SERPINA11: variants seen among roughly 807,000 people sequenced by gnomAD.
SERPINA11 encodes serpin family A member 11.
Under a neutral mutation model 29.4 loss-of-function variants are expected in SERPINA11, and 28 were observed. The ratio of observed to expected loss-of-function variants is 0.95; its 90% CI spans 0.70 to 1.30. SERPINA11 has a LOEUF of 1.30. SERPINA11 is among the 50% of genes most tolerant of loss of function. The pLI is 0.00. For missense variants in SERPINA11, 530 were observed against 507.3 expected (o/e 1.04, Z -0.43); for synonymous variants, 253 against 206.6 (o/e 1.22, Z -1.92).
At chr14:94,446,746 A>C (rs891186437) in intron 2 of SERPINA11, 142 bp from the exon 3 acceptor site, 2 of 768,406 alleles carry the variant, frequency 2.6e-6, no homozygotes, top group African/African-American at 3.5e-5. Context: ...AGGAGACCAG[A>C]ATTTAGGCCT....
intron 3 of SERPINA11, 61 bp downstream of exon 3, chr14:94,446,270 A>T (rs1898435374): frequency 6.7e-7 from 1 of 1,491,388 alleles, no homozygotes; most frequent in Non-Finnish European, 9.1e-7. Flanking sequence ...GCTGGAGTTG[A>T]TCAAGACCTG....
In SERPINA11 at chr14:94,443,079, T is replaced by C. The variant is rs1321196727; in HGVS notation, c.1064A>G (p.Lys355Arg). ...AAACATCCATGTTCACCACTTTACC[T>C]TGGAGATGGTTTTGTTGAGCTGCCC... ...VTGQLNKTIS[K>R]VSHKAMVDMS... Residue 355 changes from lysine (K) to arginine (R), a missense_variant and splice_region_variant, in exon 4 of 5, where the codon AAG (lysine) becomes AGG (arginine). By Grantham distance (26) the Lys-to-Arg change is conservative (BLOSUM62 2). Coordinates refer to ENST00000334708, the MANE Select transcript of SERPINA11 (RefSeq NM_001080451.2). 19 of 1,610,492 alleles carry C rather than the reference T, an allele frequency of 1.2e-5. No homozygotes were observed. Among genetic ancestry groups the C allele is most frequent in the Non-Finnish European group, 1.5e-5 (18 of 1,178,674 alleles).
intron 2 of SERPINA11, among the ~76,000 whole-genome samples, chr14:94,447,419 C>T (rs901837123): frequency 2.0e-5 from 3 of 152,206 alleles, no homozygotes; most frequent in Non-Finnish European, 4.4e-5. Flanking sequence ...CAACTTTATT[C>T]AAGGCCACCG....
chr14:94,449,433 C>CTTTCTT (rs1898529322), intron 1 of SERPINA11, among the ~76,000 whole-genome samples: 4 of 101,102 alleles, frequency 4.0e-5, no homozygotes, highest in Non-Finnish European at 7.3e-5. Flanking sequence ...TTCTTTCTTT[C>CTTTCTT]TTTCTTTCTT....
intron 1 of SERPINA11, among the ~76,000 whole-genome samples, chr14:94,450,130 TG>T (rs1221246045): frequency 6.6e-6 from 1 of 152,186 alleles, no homozygotes; most frequent in Non-Finnish European, 1.5e-5. Context: ...CTCTGATATC[TG>T]GGATGCCTCT....
intron 2 of SERPINA11, 129 bp downstream of exon 2, chr14:94,448,003 G>T (rs11620887): frequency 0.31 from 269,509 of 879,756 alleles, 42,642 homozygotes; most frequent in East Asian, 0.43. Context: ...GCTACGCAAG[G>T]GTGGGAAAGC....
intron 1 of SERPINA11, among the ~76,000 whole-genome samples, chr14:94,451,217 G>A (rs1049383814): frequency 6.6e-6 from 1 of 152,236 alleles, no homozygotes; most frequent in Non-Finnish European, 1.5e-5. Flanking sequence ...GGTGCCCTAA[G>A]TAGCCTGCCA....
intron 1 of SERPINA11, among the ~76,000 whole-genome samples, chr14:94,449,405 T>TC (rs766382606): frequency 1.8e-5 from 1 of 55,272 alleles, no homozygotes; most frequent in African/African-American, 5.3e-5. Flanking sequence ...TCTTTCTTTC[T>TC]ATTCTTTCTT....
Position 94,443,094 on chromosome 14 carries a change from T to A in SERPINA11, c.1049A>T (p.Asn350Ile). Residue 350 changes from asparagine (N) to isoleucine (I), a missense_variant, in exon 4 of 5, where the codon AAC (asparagine) becomes ATC (isoleucine). Coordinates refer to ENST00000334708, the MANE Select transcript of SERPINA11 (RefSeq NM_001080451.2). ...ADFSGVTGQL[N>I]KTISKVSHKA... ...CCACTTTACCTTGGAGATGGTTTTG[T>A]TGAGCTGCCCAGTGACTCCTGAGAA... The A allele has an allele frequency of 6.2e-7, 1 of 1,612,300 alleles. No individual in the cohort carries two copies. Among genetic ancestry groups the A allele is most frequent in the Non-Finnish European group, 8.5e-7 (1 of 1,179,368 alleles).
chr14:94,448,084 A>G, intron 2 of SERPINA11, 48 bp downstream of exon 2: 2 of 1,563,356 alleles, frequency 1.3e-6, no homozygotes, highest in Non-Finnish European at 8.7e-7. Flanking sequence ...CTGTAAGAGC[A>G]TTTACTTGCA....
At chr14:94,450,534 C>T (rs1478538301) in intron 1 of SERPINA11, among the ~76,000 whole-genome samples, 1 of 152,204 alleles carries the variant, frequency 6.6e-6, no homozygotes, top group African/African-American at 2.4e-5. Flanking sequence ...TTCTCCTTCA[C>T]AGCCTCAGAA....
Position 94,449,400 on chromosome 14 carries a change from CTTT to C in SERPINA11, c.-3-626_-3-624del, listed in dbSNP as rs1566784543. 7.3e-4 allele frequency among the ~76,000 whole-genome samples: 19 copies of C among 25,922 alleles called. 1 individual carries two copies. The highest frequency in any genetic ancestry group is 2.4e-3 in the African/African-American group (19 of 7,946). 17.0% of individuals were successfully genotyped at this position (25,922 alleles called of 152,430 possible). On this transcript the variant is annotated intron_variant, in intron 1 of 4. Transcript: ENST00000334708. ...GTCTAGCCTCCCTCCCTCTTTCTTT[CTTT>C]CTATTCTTTCTTTCTTTCTTTCTTT... is the stretch of plus-strand genomic sequence containing the variant.
At chr14:94,449,384 C>G (rs965860201) in intron 1 of SERPINA11, among the ~76,000 whole-genome samples, 1 of 53,438 alleles carries the variant, frequency 1.9e-5, no homozygotes, top group African/African-American at 8.1e-5. Flanking sequence ...AGTCTAGCCT[C>G]CCTCCCTCTT....
rs1389676609 is a variant in SERPINA11, at chr14:94,448,615, T to C, written c.160A>G (p.Ile54Val). Residue 54 changes from isoleucine (I) to valine (V), a missense_variant, in exon 2 of 5, where the codon ATT becomes GTT. Coordinates refer to ENST00000334708, the MANE Select transcript of SERPINA11 (RefSeq NM_001080451.2). ...APAYHRITPT[I>V]TNFALRLYKE... ...TACAAACGCAAAGCAAAATTGGTAA[T>C]GGTGGGTGTGATTCTGTGGTAGGCG... The C allele has an allele frequency of 6.2e-7, 1 of 1,612,760 alleles. No homozygotes were observed. The highest frequency in any genetic ancestry group is 1.7e-5 in the Admixed American group (1 of 59,976).
chr14:94,450,715 C>G (rs949203110), intron 1 of SERPINA11, among the ~76,000 whole-genome samples: 3 of 152,142 alleles, frequency 2.0e-5, no homozygotes, highest in Admixed American at 6.5e-5. Flanking sequence ...GCCAGAAGAG[C>G]CTTTATTCCA....
chr14:94,443,640 T>G (rs1247052229), intron 3 of SERPINA11, among the ~76,000 whole-genome samples: 1 of 152,254 alleles, frequency 6.6e-6, no homozygotes, highest in Non-Finnish European at 1.5e-5. Context: ...GCTCAGCTTC[T>G]GAACTAGGTC....
At position 94,446,560 on chromosome 14, in the gene SERPINA11, C is replaced by T. The variant is rs776902350; in HGVS notation, c.688G>A (p.Glu230Lys). The change falls in exon 3 of 5, where the codon GAA (glutamate) becomes AAA (lysine). Residue 230 changes from glutamate (E) to lysine (K), a missense_variant. Transcript: ENST00000334708. ...PFSRYQTQKQ[E>K]SFFVDERTSL... Reference sequence around the variant, plus strand: ...GTCCTCTCATCCACAAAGAAACTTTCCTGCTTCTGGGTCTGGTAGCGACTG... The same window carrying T: ...GTCCTCTCATCCACAAAGAAACTTTTCTGCTTCTGGGTCTGGTAGCGACTG... 1.2e-4 allele frequency: 186 copies of T among 1,614,058 alleles called. No individual in the cohort carries two copies. Among genetic ancestry groups the T allele is most frequent in the Non-Finnish European group, 1.3e-4 (157 of 1,180,018 alleles).
At chr14:94,452,562 G>A (rs1309516779) in intron 1 of SERPINA11, among the ~76,000 whole-genome samples, 167 bp downstream of exon 1, 8 of 136,510 alleles carry the variant, frequency 5.9e-5, no homozygotes, top group Non-Finnish European at 1.2e-4. Context: ...TCTTCTTCAG[G>A]GACTTACTTC....
Position 94,446,382 on chromosome 14 carries a change from G to A in SERPINA11, c.866C>T (p.Ala289Val). The A allele has an allele frequency of 1.2e-6, 2 of 1,614,076 alleles. No homozygotes were observed. Among genetic ancestry groups the A allele is most frequent in the East Asian group, 4.5e-5 (2 of 44,878 alleles). The stretch of plus-strand genomic sequence containing the variant: ...TCTCAGGGTCTGTGGCTGCAGAGCA[G>A]CCTCCACCTGCTTCATTTTCCCCGG... ...PDPGKMKQVE[A>V]ALQPQTLRKW... The change falls in exon 3 of 5, where the codon GCT becomes GTT. Residue 289 changes from alanine to valine, a missense_variant. Ala to Val is a moderately conservative substitution (Grantham distance 64, BLOSUM62 0). Coordinates refer to ENST00000334708, the MANE Select transcript of SERPINA11 (RefSeq NM_001080451.2).
Sources: allele counts gnomAD v4.1 joint callset (sites outside exome capture counted in the v4.1 genomes callset), GRCh38; gene constraint gnomAD v4.1.1; transcripts MANE v1.5; gene names NCBI Gene and HGNC (gene_info 2026-07-23, HGNC 2026-07-21).